The following GRM7 variants were observed in gnomAD, a reference collection of about 807,000 sequenced individuals.
The protein encoded by GRM7 is metabotropic glutamate receptor 7.
In GRM7, 35 loss-of-function variants were observed where a neutral mutation model predicts 84.5. That is an observed-to-expected ratio of 0.41 (90% CI 0.32 to 0.55). GRM7 has a LOEUF of 0.55. Ranked by LOEUF, GRM7 falls within the 20% of genes least tolerant of loss-of-function variation. The probability of loss-of-function intolerance (pLI) is 0.19; values close to 1 mark genes in which losing one functional copy is unlikely to be tolerated. For synonymous variants in GRM7, 487 were observed against 455.1 expected, an observed-to-expected ratio of 1.07 and a Z score of -0.89; for missense variants, 1,003 against 1,194.6, an observed-to-expected ratio of 0.84 and a Z score of 2.36.
chr3:7,099,280 T>TGTATTATACATGTATATATGTACAC (rs1698973039), intron 1 of GRM7, among the ~76,000 whole-genome samples: 1 of 147,288 alleles, frequency 6.8e-6, no homozygotes, highest in Non-Finnish European at 1.5e-5. Context: ...TATGAATACA[T>TGTATTATACATGTATATATGTACAC]GTATTATACA....
chr3:7,512,491 T>A (rs1700242585), intron 7 of GRM7, among the ~76,000 whole-genome samples: 2 of 152,208 alleles, frequency 1.3e-5, no homozygotes, highest in African/African-American at 4.8e-5. Context: ...AAATATTTTT[T>A]CTTCATTTTT....
At chr3:7,278,028 A>G (rs1699133550) in intron 2 of GRM7, among the ~76,000 whole-genome samples, 1 of 152,184 alleles carries the variant, frequency 6.6e-6, no homozygotes, top group South Asian at 2.1e-4. Flanking sequence ...TTGCTTTCCC[A>G]TTGCGGTTGA....
chr3:6,970,706 G>A (rs1693716683), intron 1 of GRM7, among the ~76,000 whole-genome samples: 1 of 151,942 alleles, frequency 6.6e-6, no homozygotes, highest in Non-Finnish European at 1.5e-5. Flanking sequence ...GAGGCCAGGC[G>A]CAGTGGCTCA....
In GRM7 at chr3:7,080,302, C is replaced by G. The variant is rs75620476; in HGVS notation, c.520-66150C>G. Among the ~76,000 whole-genome samples, 990 of 152,088 alleles carry G rather than the reference C, an allele frequency of 6.5e-3. 21 individuals carry two copies. Among genetic ancestry groups the G allele is most frequent in the East Asian group, 0.044 (227 of 5,158 alleles). On this transcript the variant is annotated intron_variant, in intron 1 of 9. Coordinates refer to ENST00000357716, the MANE Select transcript of GRM7 (RefSeq NM_000844.4). Reference sequence around the variant, plus strand: ...TCATGAAACATATTTCCTATGGACTCTATATTCCTAGAGTTTCCCTTTCAC... The same window carrying G: ...TCATGAAACATATTTCCTATGGACTGTATATTCCTAGAGTTTCCCTTTCAC...
chr3:6,868,629 A>G (rs1695015554), intron 1 of GRM7, among the ~76,000 whole-genome samples: 1 of 152,124 alleles, frequency 6.6e-6, no homozygotes, highest in Non-Finnish European at 1.5e-5. Flanking sequence ...TCTAAACTTC[A>G]TTTCGTTCAC....
At chr3:7,074,744 T>C (rs776662995) in intron 1 of GRM7, among the ~76,000 whole-genome samples, 1 of 152,156 alleles carries the variant, frequency 6.6e-6, no homozygotes, top group Admixed American at 6.5e-5. Flanking sequence ...GAAATACCAA[T>C]GTAGAATAAA....
At chr3:6,961,259 C>G (rs1399721463) in intron 1 of GRM7, among the ~76,000 whole-genome samples, 2 of 152,166 alleles carry the variant, frequency 1.3e-5, no homozygotes, top group Admixed American at 6.5e-5. Flanking sequence ...CTAAAGATAC[C>G]AGTCTGACAA....
chr3:7,079,822 A>T (rs762109951), intron 1 of GRM7, among the ~76,000 whole-genome samples: 3 of 152,170 alleles, frequency 2.0e-5, no homozygotes, highest in Non-Finnish European at 2.9e-5. Context: ...AACTGCACAC[A>T]TGTGGTGTCT....
chr3:7,318,170 T>C (rs1338819748), intron 4 of GRM7, among the ~76,000 whole-genome samples: 1 of 152,106 alleles, frequency 6.6e-6, no homozygotes, highest in Non-Finnish European at 1.5e-5. Context: ...AATCTAACTT[T>C]TTTCCTTTTT....
intron 8 of GRM7, among the ~76,000 whole-genome samples, chr3:7,652,546 G>A (rs774749029): frequency 6.6e-6 from 1 of 152,148 alleles, no homozygotes; most frequent in Non-Finnish European, 1.5e-5. Flanking sequence ...CCAGTGAGGG[G>A]AACAAACATG....
chr3:7,188,675 A>G lies in GRM7; in HGVS notation c.736+42007A>G, dbSNP rs1051330619. 1.3e-5 allele frequency among the ~76,000 whole-genome samples: 2 copies of G among 152,160 alleles called. No individual in the cohort carries two copies. The highest frequency in any genetic ancestry group is 2.9e-5 in the Non-Finnish European group (2 of 68,020). ...GTGACACATAGATCTCTCAGTTTCA[A>G]CAGTGTAGCAGAGGAGTTTATTTCT... On this transcript the variant is annotated intron_variant, in intron 2 of 9. Coordinates refer to ENST00000357716, the MANE Select transcript of GRM7 (RefSeq NM_000844.4). The surrounding 1 kb of genome is among the most constrained non-coding windows in gnomAD (Gnocchi z 4.2).
Position 7,138,159 on chromosome 3 carries a change from C to T in GRM7, c.520-8293C>T, listed in dbSNP as rs144738159. 7.3e-3 allele frequency among the ~76,000 whole-genome samples: 1,107 copies of T among 151,992 alleles called. 17 individuals are homozygous for T. The highest frequency in any genetic ancestry group is 0.025 in the African/African-American group (1,054 of 41,502). ...CACTGGCTATTCACTTGGCTATCTA[C>T]TCAAAAACAAAAAACAAAATCAAAG... is the stretch of plus-strand genomic sequence containing the variant. On this transcript the variant is annotated intron_variant, in intron 1 of 9. Coordinates refer to ENST00000357716, the MANE Select transcript of GRM7 (RefSeq NM_000844.4).
chr3:7,417,166 CTAATA>C (rs1182984000), intron 5 of GRM7, among the ~76,000 whole-genome samples: 1 of 152,116 alleles, frequency 6.6e-6, no homozygotes, highest in African/African-American at 2.4e-5. Context: ...GTCTTCCTAA[CTAATA>C]TGTTTCTTCC....
At chr3:7,056,351 C>G (rs1400461021) in intron 1 of GRM7, among the ~76,000 whole-genome samples, 3 of 151,896 alleles carry the variant, frequency 2.0e-5, no homozygotes, top group African/African-American at 7.2e-5. Flanking sequence ...CCTCAGGTGC[C>G]TTTTAGGTTT....
chr3:7,565,547 T>C (rs552498238), intron 7 of GRM7, among the ~76,000 whole-genome samples: 1 of 152,290 alleles, frequency 6.6e-6, no homozygotes, highest in East Asian at 1.9e-4. Context: ...AAAGCCACTG[T>C]GGGCCAGGAA....
chr3:6,984,694 T>C lies in GRM7; in HGVS notation c.519+122787T>C, dbSNP rs114709138. On this transcript the variant is annotated intron_variant, in intron 1 of 9. Coordinates refer to ENST00000357716, the MANE Select transcript of GRM7 (RefSeq NM_000844.4). ...CTTGCACTCACCCTGAATGTTTTTTTTTAGCCTTTATGGAGGGGAATTGGC... is the reference window on the plus strand; with the variant it reads ...CTTGCACTCACCCTGAATGTTTTTTCTTAGCCTTTATGGAGGGGAATTGGC... Among the ~76,000 whole-genome samples the C allele has an allele frequency of 3.2e-3, 480 of 152,318 alleles. 4 individuals are homozygous for C. The highest frequency in any genetic ancestry group is 0.01 in the African/African-American group (428 of 41,572).
intron 1 of GRM7, among the ~76,000 whole-genome samples, chr3:6,926,444 GT>G (rs1263643646): frequency 6.6e-6 from 1 of 152,144 alleles, no homozygotes; most frequent in Non-Finnish European, 1.5e-5. Flanking sequence ...CCACATTAAA[GT>G]TTGCAAAACT....
chr3:7,737,887 G>A (rs1220984729), intron 9 of GRM7, among the ~76,000 whole-genome samples: 2 of 117,382 alleles, frequency 1.7e-5, no homozygotes, highest in Non-Finnish European at 3.4e-5. Context: ...CGCTCTTGTT[G>A]TGCAGGCTGG....
chr3:7,549,588 A>G (rs899366557), intron 7 of GRM7, among the ~76,000 whole-genome samples: 7 of 152,190 alleles, frequency 4.6e-5, no homozygotes, highest in Admixed American at 3.9e-4. Context: ...AGATTTTCCC[A>G]AAAGTTACCT....
Sources: allele counts gnomAD v4.1 joint callset (sites outside exome capture counted in the v4.1 genomes callset), GRCh38; gene constraint gnomAD v4.1.1; non-coding constraint Gnocchi (gnomAD v3.1); transcripts MANE v1.5; gene names NCBI Gene and HGNC (gene_info 2026-07-23, HGNC 2026-07-21).